The following MDGA2 variants were observed in gnomAD, a reference collection of about 807,000 sequenced individuals.
MDGA2 encodes MAM domain-containing glycosylphosphatidylinositol anchor protein 2.
MDGA2 carries 40 observed loss-of-function variants against 117.8 expected under a neutral mutation model. The observed-to-expected ratio is 0.34, with a 90% CI of 0.26 to 0.44. The LOEUF (loss-of-function observed/expected upper bound fraction) is 0.44, where lower values mean the gene tolerates loss of function less well. Ranked by LOEUF, MDGA2 falls within the 20% of genes least tolerant of loss-of-function variation. The pLI is 1.00. For synonymous variants in MDGA2, 452 were observed against 439.0 expected (o/e 1.03, Z -0.37); for missense variants, 1,123 against 1,250.6 (o/e 0.90, Z 1.54).
At chr14:47,191,343 A>G (rs1885105824) in intron 3 of MDGA2, among the ~76,000 whole-genome samples, 1 of 150,792 alleles carries the variant, frequency 6.6e-6, no homozygotes, top group African/African-American at 2.4e-5. Flanking sequence ...CATTTTAAGA[A>G]AGCAAAAATT....
chr14:46,935,020 A>G (rs1276049867), intron 9 of MDGA2, among the ~76,000 whole-genome samples: 1 of 151,508 alleles, frequency 6.6e-6, no homozygotes, highest in Middle Eastern at 3.2e-3. Flanking sequence ...CCAGGTGGAT[A>G]GTGTCAGAAT....
intron 3 of MDGA2, among the ~76,000 whole-genome samples, chr14:47,176,223 G>C (rs571360396): frequency 6.6e-6 from 1 of 152,084 alleles, no homozygotes; most frequent in Non-Finnish European, 1.5e-5. Context: ...TGGCCATACT[G>C]CCCAAGGTAA....
intron 1 of MDGA2, among the ~76,000 whole-genome samples, chr14:47,428,077 A>C (rs1038600715): frequency 2.0e-5 from 3 of 152,134 alleles, no homozygotes; most frequent in African/African-American, 7.2e-5. Flanking sequence ...TCTGTTCACA[A>C]GGAAACTTTC....
In MDGA2 at chr14:47,254,659, A is replaced by AT. The variant is rs572893925; in HGVS notation, c.421-36465_421-36464insA. Among the ~76,000 whole-genome samples, 34 of 152,068 alleles carry AT rather than the reference A, an allele frequency of 2.2e-4. No homozygotes were observed. The South Asian group carries it at 6.7e-3, about 30-fold the overall frequency. ...GTTCCAATCTTTCCCACATTTTCCT[A>AT]CTTATTCTGAGCCCTCCAAACTGCT... On this transcript the variant is annotated intron_variant, in intron 2 of 16. Transcript: ENST00000399232.
chr14:47,370,468 G>GTCTTTTTTTTTTTT (rs1891322901), intron 1 of MDGA2, among the ~76,000 whole-genome samples: 1 of 20,684 alleles, frequency 4.8e-5, no homozygotes, highest in Non-Finnish European at 1.0e-4. Context: ...TCTACTTACT[G>GTCTTTTTTTTTTTT]TTTTTTTTTT....
intron 3 of MDGA2, chr14:47,200,788 T>C: frequency 4.9e-6 from 4 of 819,166 alleles, no homozygotes; most frequent in South Asian, 4.2e-5. Flanking sequence ...AGGCAAACTT[T>C]CTTGCAGGCT....
intron 1 of MDGA2, among the ~76,000 whole-genome samples, chr14:47,558,537 G>A (rs1212336013): frequency 6.6e-6 from 1 of 152,148 alleles, no homozygotes; most frequent in Admixed American, 6.5e-5. Context: ...AAATAAATAA[G>A]TGATGTAAAT....
intron 8 of MDGA2, among the ~76,000 whole-genome samples, chr14:46,994,076 A>G (rs1887195122): frequency 6.6e-6 from 1 of 152,136 alleles, no homozygotes; most frequent in Non-Finnish European, 1.5e-5. Context: ...TCAATCAATC[A>G]TACCTATATA....
chr14:47,154,484 G>A (rs1220753628), intron 3 of MDGA2, among the ~76,000 whole-genome samples: 2 of 152,164 alleles, frequency 1.3e-5, no homozygotes, highest in Non-Finnish European at 2.9e-5. Flanking sequence ...AGTGGACCCG[G>A]ACATCCCTGT....
intron 1 of MDGA2, among the ~76,000 whole-genome samples, chr14:47,359,427 T>C (rs973437712): frequency 6.6e-6 from 1 of 151,806 alleles, no homozygotes; most frequent in Non-Finnish European, 1.5e-5. Flanking sequence ...AGCACTATTG[T>C]GCTGCCATAA....
chr14:47,523,931 C>T lies in MDGA2; in HGVS notation c.280+150586G>A, dbSNP rs558440090. Among the ~76,000 whole-genome samples the T allele has an allele frequency of 2.7e-3, 414 of 152,262 alleles. 2 individuals are homozygous for T. The highest frequency in any genetic ancestry group is 9.7e-3 in the African/African-American group (403 of 41,550). ...TCACAGTTGAAACATTTATTTTCCTCCAAAAACCATCTTCAGGCAGTGGAA... is the reference window on the plus strand; with the variant it reads ...TCACAGTTGAAACATTTATTTTCCTTCAAAAACCATCTTCAGGCAGTGGAA... On this transcript the variant is annotated intron_variant, in intron 1 of 16. Coordinates refer to ENST00000399232, the MANE Select transcript of MDGA2 (RefSeq NM_001113498.3).
At chr14:46,935,310 C>T (rs995014660) in intron 9 of MDGA2, among the ~76,000 whole-genome samples, 7 of 152,104 alleles carry the variant, frequency 4.6e-5, no homozygotes, top group Admixed American at 2.0e-4. Flanking sequence ...CTTTAGTTCT[C>T]TTACCAATCC....
chr14:47,199,652 A>G (rs1383857119), intron 3 of MDGA2, among the ~76,000 whole-genome samples: 1 of 152,196 alleles, frequency 6.6e-6, no homozygotes, highest in Non-Finnish European at 1.5e-5. Context: ...AAGAAAAACA[A>G]TCATACATTA....
chr14:47,302,969 C>T (rs1391237249), intron 1 of MDGA2, among the ~76,000 whole-genome samples: 1 of 152,142 alleles, frequency 6.6e-6, no homozygotes, highest in Non-Finnish European at 1.5e-5. Flanking sequence ...AAACTCAGAA[C>T]CCTGCTTTCC....
At position 47,058,884 on chromosome 14, in the gene MDGA2, C is replaced by A. The variant is rs1236879757; in HGVS notation, c.1525+2365G>T. 8 of 984,404 alleles carry A rather than the reference C, an allele frequency of 8.1e-6. No homozygotes were observed. In the East Asian group the frequency reaches 9.0e-4, roughly 111 times the overall value. The allele number at this position is 984,404 out of a possible 1,614,324, so 61.0% of individuals were successfully genotyped here. A position where few individuals can be genotyped will look rare whatever the true frequency, so the allele number is the denominator to read the frequency against. On this transcript the variant is annotated intron_variant, in intron 7 of 16. Transcript: ENST00000399232. Reference sequence around the variant, plus strand: ...ATCCGTGTAGCCACACTTAGAACAGCCCCAAATTTGCTTTAATGCTTTGAT... The same window carrying A: ...ATCCGTGTAGCCACACTTAGAACAGACCCAAATTTGCTTTAATGCTTTGAT...
At chr14:47,009,612 T>C (rs1402882341) in intron 8 of MDGA2, among the ~76,000 whole-genome samples, 3 of 152,128 alleles carry the variant, frequency 2.0e-5, no homozygotes, top group Non-Finnish European at 4.4e-5. Context: ...TTATGGTCAA[T>C]GTGACACAAT....
At position 47,283,933 on chromosome 14, in the gene MDGA2, C is replaced by A. The variant is rs555113422; in HGVS notation, c.420+17478G>T. 3.3e-5 allele frequency among the ~76,000 whole-genome samples: 5 copies of A among 152,168 alleles called. No homozygotes were observed. The East Asian group carries it at 9.7e-4, about 29-fold the overall frequency. ...CTACAAAGCTGGAAAGTATGCAAAT[C>A]CTAAAAAGGGGACAAAGTGTATAAA... On this transcript the variant is annotated intron_variant, in intron 2 of 16. Transcript: ENST00000399232.
chr14:47,275,234 T>G (rs1050142824), intron 2 of MDGA2, among the ~76,000 whole-genome samples: 5 of 152,140 alleles, frequency 3.3e-5, no homozygotes, highest in African/African-American at 1.2e-4. Flanking sequence ...CATGTAAACA[T>G]GATATACTGT....
chr14:47,230,849 A>T (rs1456853400), intron 2 of MDGA2, among the ~76,000 whole-genome samples: 1 of 151,988 alleles, frequency 6.6e-6, no homozygotes, highest in Non-Finnish European at 1.5e-5. Flanking sequence ...TAAGTAGCCC[A>T]ATTTAGGACC....
Sources: allele counts gnomAD v4.1 joint callset (sites outside exome capture counted in the v4.1 genomes callset), GRCh38; gene constraint gnomAD v4.1.1; transcripts MANE v1.5; gene names NCBI Gene and HGNC (gene_info 2026-07-23, HGNC 2026-07-21).